The following TMEM255A variants were observed in gnomAD, a reference collection of about 807,000 sequenced individuals.
The protein encoded by TMEM255A is transmembrane protein 255A, also known as family with sequence similarity 70, member A.
A neutral mutation model predicts 23.5 loss-of-function variants in TMEM255A; 14 were observed. That is an observed-to-expected ratio of 0.60 (90% CI 0.39 to 0.93). The LOEUF (loss-of-function observed/expected upper bound fraction) is 0.93. Ranked by LOEUF, TMEM255A falls within the 40% of genes least tolerant of loss-of-function variation. The pLI, the probability that TMEM255A is intolerant of heterozygous loss-of-function variation, is 0.00. For synonymous variants in TMEM255A, 104 were observed against 100.3 expected, an observed-to-expected ratio of 1.04 and a Z score of -0.22; for missense variants, 233 against 261.7, an observed-to-expected ratio of 0.89 and a Z score of 0.76.
chrX:120,255,453 A>G (rs1434113200), downstream of TMEM255A: 55 of 1,151,398 alleles, frequency 4.8e-5, no homozygotes, highest in Non-Finnish European at 6.2e-5. Context: ...GAAATACTAG[A>G]AAGTTTTGTT....
At chrX:120,261,945 G>A (rs2057683549) in intron 8 of TMEM255A, among the ~76,000 whole-genome samples, 1 of 111,636 alleles carries the variant, frequency 9.0e-6, no homozygotes, top group South Asian at 3.7e-4. Flanking sequence ...AATCTTGAAT[G>A]AGTGAATACA....
At chrX:120,262,015 C>T (rs1315393715) in intron 8 of TMEM255A, among the ~76,000 whole-genome samples, 2 of 111,895 alleles carry the variant, frequency 1.8e-5, no homozygotes, top group South Asian at 3.7e-4. Flanking sequence ...CTAGGCCGGG[C>T]GCGGTGGCTA....
At position 120,272,222 on chromosome X, in the gene TMEM255A, G is replaced by C. The variant is rs782323535; in HGVS notation, c.676-3835C>G. The stretch of plus-strand genomic sequence containing the variant: ...GCCCTGAGCATTTGCTTAGTCACCT[G>C]GCTTGTTGAGGCAGGGGGTCCCCAG... On this transcript the variant is annotated intron_variant, in intron 7 of 8. Transcript: ENST00000371369. Among the ~76,000 whole-genome samples the C allele has an allele frequency of 6.0e-3, 667 of 111,341 alleles. 7 individuals carry two copies. The highest frequency in any genetic ancestry group is 0.021 in the African/African-American group (630 of 30,624).
At chrX:120,286,124 A>G in intron 5 of TMEM255A, 1 of 264,892 alleles carries the variant, frequency 3.8e-6, no homozygotes, top group Admixed American at 6.1e-5. Context: ...TATGGTTGTT[A>G]AAAGAAAAAG....
In TMEM255A at chrX:120,270,870, G is replaced by A. The variant is rs186459793; in HGVS notation, c.676-2483C>T. Among the ~76,000 whole-genome samples the A allele has an allele frequency of 6.3e-5, 7 of 111,369 alleles. No homozygotes were observed. The East Asian group carries it at 1.7e-3, about 27-fold the overall frequency. On this transcript the variant is annotated intron_variant, in intron 7 of 8. Transcript: ENST00000371369. ...ACATCACAAGTCACCAACCACACTT[G>A]GATGTAGGCCAAGGATTGTACTTAG...
At chrX:120,304,998 T>A (rs2058055640) in intron 1 of TMEM255A, among the ~76,000 whole-genome samples, 1 of 112,208 alleles carries the variant, frequency 8.9e-6, no homozygotes, top group Admixed American at 9.4e-5. Flanking sequence ...TTTTTTTTCA[T>A]TTATTTCTGA....
chrX:120,257,308 G>A (rs1317865614), downstream of TMEM255A: 1 of 122,286 alleles, frequency 8.2e-6, no homozygotes, highest in Non-Finnish European at 1.9e-5. Context: ...AATGTACTCA[G>A]TGAAAATTTG....
intron 1 of TMEM255A, among the ~76,000 whole-genome samples, chrX:120,305,633 T>A (rs918407197): frequency 1.9e-5 from 2 of 104,526 alleles, no homozygotes; most frequent in African/African-American, 7.1e-5. Flanking sequence ...AGGAAGCAGT[T>A]GTTGAGAGAA....
At chrX:120,299,009 A>T (rs140457986) in intron 2 of TMEM255A, among the ~76,000 whole-genome samples, 2 of 111,867 alleles carry the variant, frequency 1.8e-5, no homozygotes, top group African/African-American at 6.5e-5. Flanking sequence ...ATTTTTGCAA[A>T]AGAGAAGTAA....
chrX:120,254,025 A>G (rs782543540), downstream of TMEM255A: 6 of 1,208,040 alleles, frequency 5.0e-6, no homozygotes, highest in Admixed American at 2.2e-5. Context: ...GATTCTGCCC[A>G]CAAAGGAGAC....
chrX:120,266,348 C>T (rs782487619), intron 8 of TMEM255A, among the ~76,000 whole-genome samples: 25 of 109,554 alleles, frequency 2.3e-4, no homozygotes, highest in African/African-American at 6.0e-4. Flanking sequence ...CCCCCAAGTC[C>T]CTAGACTAAC....
At position 120,270,835 on chromosome X, in the gene TMEM255A, A is replaced by G. The variant is rs1052913054; in HGVS notation, c.676-2448T>C. ...CCTGCAGACCCCGGGGACTCTACTC[A>G]GGGAGAGGCACATCACAAGTCACCA... On this transcript the variant is annotated intron_variant, in intron 7 of 8. Coordinates refer to ENST00000371369, the MANE Select transcript of TMEM255A (RefSeq NM_001104544.3). Among the ~76,000 whole-genome samples, 52 of 110,781 alleles carry G rather than the reference A, an allele frequency of 4.7e-4. 1 individual carries two copies. The highest frequency in any genetic ancestry group is 8.5e-4 in the Non-Finnish European group (45 of 52,843).
At chrX:120,294,129 G>A in intron 2 of TMEM255A, 78 bp from the exon 3 acceptor site, 1 of 814,747 alleles carries the variant, frequency 1.2e-6, no homozygotes, top group African/African-American at 2.0e-5. Flanking sequence ...CCCTTCATAT[G>A]ATTCAGGATA....
chrX:120,296,674 A>G (rs1476892075), intron 2 of TMEM255A, among the ~76,000 whole-genome samples: 2 of 63,454 alleles, frequency 3.2e-5, no homozygotes, highest in African/African-American at 1.4e-4. Context: ...TATAATATAT[A>G]TTATATTTAA....
chrX:120,286,745 T>A (rs1353580449), intron 5 of TMEM255A, among the ~76,000 whole-genome samples: 1 of 111,823 alleles, frequency 8.9e-6, no homozygotes, highest in Non-Finnish European at 1.9e-5. Context: ...AGGCTCTGCC[T>A]CCGTAGTTCA....
At chrX:120,277,485 T>C (rs1452995414) in intron 6 of TMEM255A, among the ~76,000 whole-genome samples, 2 of 111,144 alleles carry the variant, frequency 1.8e-5, no homozygotes, top group Admixed American at 1.9e-4. Flanking sequence ...ACATTTCAAG[T>C]GCTCAATAGT....
At chrX:120,255,370 T>G (rs1556015272), downstream of TMEM255A, 2 of 1,209,939 alleles carry the variant, frequency 1.7e-6, no homozygotes, top group East Asian at 3.0e-5. Flanking sequence ...AATGATTCAA[T>G]TTTTAAACAA....
rs1392504508 is a variant in TMEM255A, at chrX:120,289,330, C to T, written c.354+1921G>A. ...CACCAGCAGCAGGAGGTACAGAGGG[C>T]CTGGACTCAGAGGCAAGTAGTGGTC... On this transcript the variant is annotated intron_variant, in intron 4 of 8. Transcript: ENST00000371369. Among the ~76,000 whole-genome samples, 3 of 111,751 alleles carry T rather than the reference C, an allele frequency of 2.7e-5. No homozygotes were observed. The East Asian group carries it at 8.4e-4, about 31-fold the overall frequency.
At chrX:120,295,355 AG>A (rs1200288375) in intron 2 of TMEM255A, among the ~76,000 whole-genome samples, 2 of 110,970 alleles carry the variant, frequency 1.8e-5, no homozygotes, top group Non-Finnish European at 3.8e-5. Context: ...AAGAGACCCA[AG>A]GGCTGGGCAG....
Sources: allele counts gnomAD v4.1 joint callset (sites outside exome capture counted in the v4.1 genomes callset), GRCh38; gene constraint gnomAD v4.1.1; transcripts MANE v1.5; gene names NCBI Gene and HGNC (gene_info 2026-07-23, HGNC 2026-07-21).